Variants in HBS1L observed in about 807,000 individuals in gnomAD.
The protein encoded by HBS1L is HBS1 like translational GTPase, also known as HBS1-like protein.
In HBS1L, 55 loss-of-function variants were observed where a neutral mutation model predicts 88.9. That is an observed-to-expected ratio of 0.62 (90% CI 0.50 to 0.77). The LOEUF (loss-of-function observed/expected upper bound fraction) is 0.77. Among genes scored for constraint, HBS1L ranks in the 30% least tolerant of loss-of-function variants. The pLI, the probability that HBS1L is intolerant of heterozygous loss-of-function variation, is 0.00. For missense variants in HBS1L, 741 were observed against 829.3 expected (o/e 0.89, Z 1.31); for synonymous variants, 267 against 288.5 (o/e 0.93, Z 0.76).
chr6:134,987,712 T>C lies in HBS1L; in HGVS notation c.1163A>G (p.Glu388Gly), dbSNP rs1306586627. 2 of 1,610,240 alleles carry C rather than the reference T, an allele frequency of 1.2e-6. No homozygotes were observed. Among genetic ancestry groups the C allele is most frequent in the Non-Finnish European group, 1.7e-6 (2 of 1,178,186 alleles). The change falls in exon 9 of 18, where the codon GAG (glutamate) becomes GGG (glycine). Residue 388 changes from glutamate (E) to glycine (G), a missense_variant. By Grantham distance (98) the Glu-to-Gly change is moderately conservative. Transcript: ENST00000367837. Reference protein sequence around the residue: ...AGFETGGQTREHGLLVRSLGV... With the variant: ...AGFETGGQTRGHGLLVRSLGV... The stretch of plus-strand genomic sequence containing the variant: ...CAGAGAACGGACCAAGAGTCCATGC[T>C]CTCGTGTTTGTCCTCCAGTCTCAAA...
At chr6:135,040,344 C>CCTTT (rs1365916364) in intron 3 of HBS1L, among the ~76,000 whole-genome samples, 2 of 110,060 alleles carry the variant, frequency 1.8e-5, no homozygotes, top group African/African-American at 7.1e-5. Context: ...GATAGGCATT[C>CCTTT]TTTTTTTTTT....
intron 4 of HBS1L, among the ~76,000 whole-genome samples, chr6:135,009,592 C>G (rs893111717): frequency 6.6e-6 from 1 of 152,014 alleles, no homozygotes; most frequent in Non-Finnish European, 1.5e-5. Context: ...CATGGACTCC[C>G]TTTCTCATTT....
rs533060504 is a variant in HBS1L, at chr6:134,962,024, C to T, written c.*3255G>A. 6.6e-6 allele frequency: 1 copy of T among 152,182 alleles called. No individual in the cohort carries two copies. Among genetic ancestry groups the T allele is most frequent in the South Asian group, 2.1e-4 (1 of 4,820 alleles). 9.4% of individuals were successfully genotyped at this position (152,182 alleles called of 1,614,324 possible). A position where few individuals can be genotyped will look rare whatever the true frequency, so the allele number is the denominator to read the frequency against. ...CTATCAGCCCTATTAAGACTCAAGCCCCAGAGCTTTCTCTTGTGCCTGGAA... is the reference window on the plus strand; with the variant it reads ...CTATCAGCCCTATTAAGACTCAAGCTCCAGAGCTTTCTCTTGTGCCTGGAA... On this transcript the variant is annotated 3_prime_UTR_variant, in exon 18 of 18. Coordinates refer to ENST00000367837, the MANE Select transcript of HBS1L (RefSeq NM_006620.4).
chr6:135,042,830 A>C (rs1449256707), intron 2 of HBS1L, among the ~76,000 whole-genome samples: 1 of 44,336 alleles, frequency 2.3e-5, no homozygotes, highest in African/African-American at 6.2e-5. Context: ...AAAAAACAAA[A>C]AAAAAAAACA....
intron 16 of HBS1L, among the ~76,000 whole-genome samples, chr6:134,968,521 T>A (rs1774384400): frequency 6.6e-6 from 1 of 152,198 alleles, no homozygotes; most frequent in Non-Finnish European, 1.5e-5. Flanking sequence ...AGTGCTAGGA[T>A]TACAGGCATG....
At chr6:135,006,339 C>G (rs1775611168) in intron 4 of HBS1L, among the ~76,000 whole-genome samples, 1 of 152,106 alleles carries the variant, frequency 6.6e-6, no homozygotes, top group South Asian at 2.1e-4. Flanking sequence ...AGTCAAAGAA[C>G]TGAAAATCCA....
intron 5 of HBS1L, among the ~76,000 whole-genome samples, chr6:134,999,448 CTTTTTT>C (rs35807723): frequency 1.6e-5 from 2 of 124,748 alleles, no homozygotes; most frequent in East Asian, 2.3e-4. Flanking sequence ...TTTTTCTTTT[CTTTTTT>C]TTTTTTTTTT....
chr6:134,965,356 A>C, intron 17 of HBS1L, 66 bp from the exon 18 acceptor site: 1 of 1,087,130 alleles, frequency 9.2e-7, no homozygotes, highest in South Asian at 1.4e-5. Context: ...AGAACAACAA[A>C]GGGAAAATTA....
intron 4 of HBS1L, among the ~76,000 whole-genome samples, chr6:135,008,983 C>T (rs987442038): frequency 6.6e-6 from 1 of 152,106 alleles, no homozygotes; most frequent in African/African-American, 2.4e-5. Flanking sequence ...GCAATAACCT[C>T]CTCAATTTAC....
At position 135,043,074 on chromosome 6, in the gene HBS1L, GA is replaced by G. The variant is rs139656602; in HGVS notation, c.110-949del. 5.1e-3 allele frequency among the ~76,000 whole-genome samples: 780 copies of G among 152,248 alleles called. 8 individuals carry two copies. Among genetic ancestry groups the G allele is most frequent in the Non-Finnish European group, 8.9e-3 (607 of 68,024 alleles). On this transcript the variant is annotated intron_variant, in intron 2 of 17. Transcript: ENST00000367837. ...GGGTATTCATATGTATCTCATTAAGGAAAGGAAAGGCAGATTATCTAAATGC... is the reference window on the plus strand; with the variant it reads ...GGGTATTCATATGTATCTCATTAAGGAAGGAAAGGCAGATTATCTAAATGC...
At position 134,965,047 on chromosome 6, in the gene HBS1L, G is replaced by A. The variant is rs984900524; in HGVS notation, c.*232C>T. 8 of 545,252 alleles carry A rather than the reference G, an allele frequency of 1.5e-5. No individual in the cohort carries two copies. Among genetic ancestry groups the A allele is most frequent in the Admixed American group, 3.6e-5 (1 of 27,502 alleles). 33.8% of individuals were successfully genotyped at this position (545,252 alleles called of 1,614,324 possible). A position where few individuals can be genotyped will look rare whatever the true frequency, so the allele number is the denominator to read the frequency against. On this transcript the variant is annotated 3_prime_UTR_variant, in exon 18 of 18. Coordinates refer to ENST00000367837, the MANE Select transcript of HBS1L (RefSeq NM_006620.4). ...TAGCAAAGTAAATCCATTTATTAAC[G>A]TTTCAAAGGCAAAGTTGTTTTTAAC...
In HBS1L at chr6:135,014,967, G is replaced by A. The variant is rs144027550; in HGVS notation, c.431-12125C>T. 3.5e-3 allele frequency among the ~76,000 whole-genome samples: 533 copies of A among 151,994 alleles called. 1 individual carries two copies. The highest frequency in any genetic ancestry group is 0.014 in the Middle Eastern group (4 of 290). On this transcript the variant is annotated intron_variant, in intron 4 of 17. Transcript: ENST00000367837. ...GATGGATTGCTTGAGCCCGGGAGGC[G>A]GAGGTTGCAGTGAGCCAAGATCATG...
At chr6:134,974,426 T>C (rs1774583658) in intron 15 of HBS1L, among the ~76,000 whole-genome samples, 1 of 152,068 alleles carries the variant, frequency 6.6e-6, no homozygotes, top group African/African-American at 2.4e-5. Context: ...ATCATCACCC[T>C]GATAACAAAA....
At position 134,982,542 on chromosome 6, in the gene HBS1L, T is replaced by C. The variant is rs768865334; in HGVS notation, c.1513A>G (p.Ile505Val). 2.5e-6 allele frequency: 4 copies of C among 1,609,554 alleles called. No homozygotes were observed. Among genetic ancestry groups the C allele is most frequent in the South Asian group, 1.1e-5 (1 of 90,852 alleles). The change falls in exon 13 of 18, where the codon ATA becomes GTA. Residue 505 changes from isoleucine to valine, a missense_variant. Physicochemically the swap from Ile to Val is conservative, Grantham distance 29. Around this residue, in one of 3 missense-constraint regions of HBS1L, gnomAD observed 4 missense variants for 18.2 expected, o/e 0.22. Transcript: ENST00000367837. ...TAACCAGCTTCTATTTTACCAGTTA[T>C]GCAAAATCCAGATCCTTGATCTGCA... The part of the protein sequence containing the change: ...VFKDQGSGFC[I>V]TGKIEAGYIQ...
intron 5 of HBS1L, among the ~76,000 whole-genome samples, chr6:134,999,857 A>G (rs1775399661): frequency 6.6e-6 from 1 of 152,198 alleles, no homozygotes; most frequent in Non-Finnish European, 1.5e-5. Flanking sequence ...GTCTGCCCTT[A>G]GTAAAAAAAA....
intron 4 of HBS1L, among the ~76,000 whole-genome samples, chr6:135,020,150 A>G (rs1776032356): frequency 8.4e-6 from 1 of 118,412 alleles, no homozygotes. Flanking sequence ...GAATGATTAA[A>G]AAAAACCCTC....
chr6:134,987,348 T>C (rs1009847936), intron 9 of HBS1L, among the ~76,000 whole-genome samples: 4 of 152,116 alleles, frequency 2.6e-5, no homozygotes, highest in South Asian at 2.1e-4. Flanking sequence ...GAAGGAGAAT[T>C]GGTAATATAG....
At chr6:135,043,995 T>C (rs1197568284) in intron 2 of HBS1L, among the ~76,000 whole-genome samples, 1 of 152,302 alleles carries the variant, frequency 6.6e-6, no homozygotes, top group African/African-American at 2.4e-5. Flanking sequence ...TGCAAGATAA[T>C]TGTATTGTAA....
chr6:135,021,646 T>C (rs1462706864), intron 4 of HBS1L, among the ~76,000 whole-genome samples: 3 of 152,144 alleles, frequency 2.0e-5, no homozygotes, highest in Non-Finnish European at 4.4e-5. Context: ...ATTTTATCCC[T>C]ACGATGCTTA....
Sources: allele counts gnomAD v4.1 joint callset (sites outside exome capture counted in the v4.1 genomes callset), GRCh38; gene constraint gnomAD v4.1.1; regional missense constraint gnomAD v4.1.1; transcripts MANE v1.5; gene names NCBI Gene and HGNC (gene_info 2026-07-23, HGNC 2026-07-21).